SELENOV: variants seen among roughly 807,000 people sequenced by gnomAD.
SELENOV encodes the protein selenoprotein V.
In SELENOV, 25 loss-of-function variants were observed where a neutral mutation model predicts 21.6. The observed-to-expected ratio is 1.16, with a 90% CI of 0.84 to 1.62. The LOEUF (loss-of-function observed/expected upper bound fraction) is 1.62, where lower values mean the gene tolerates loss of function less well. Among genes scored for constraint, SELENOV ranks in the 40% most tolerant of loss-of-function variants. SELENOV has a pLI of 0.00. For missense variants in SELENOV, 472 were observed against 459.0 expected, an observed-to-expected ratio of 1.03 and a Z score of -0.26; for synonymous variants, 227 against 216.9, an observed-to-expected ratio of 1.05 and a Z score of -0.41.
At chr19:39,519,150 C>CG in exon 5 of SELENOV, 1 of 1,613,316 alleles carries the variant, frequency 6.2e-7, no homozygotes, top group Non-Finnish European at 8.5e-7. Context: ...AAAAGGTAGC[C>CG]GGCAAGGGGT....
rs1447705187 is a variant in SELENOV at position 39,515,542 on chromosome 19, G to A, written c.330G>A (p.Pro110=). ...CCGTCCGGAACCCAACTCCGGTCCCGACTCCGGCTCGGACCCTGACTCCTC... is the reference window on the plus strand; with the variant it reads ...CCGTCCGGAACCCAACTCCGGTCCCAACTCCGGCTCGGACCCTGACTCCTC... The change falls in exon 1 of 6, where the codon CCG becomes CCA. Residue 110 remains proline, a synonymous_variant. Transcript: ENST00000335426. This position sits in a 1 kb window ranked among gnomAD's most constrained non-coding sequence, Gnocchi z 5.1. 6.5e-7 allele frequency: 1 copy of A among 1,550,302 alleles called. No homozygotes were observed. Among genetic ancestry groups the A allele is most frequent in the South Asian group, 1.2e-5 (1 of 84,036 alleles).
chr19:39,518,627 C>A, exon 2 of SELENOV: 1 of 1,607,988 alleles, frequency 6.2e-7, no homozygotes, highest in South Asian at 1.1e-5. Flanking sequence ...AAGCTATAGC[C>A]TTCGGGTGAG....
intron 5 of SELENOV, 67 bp downstream of exon 5, chr19:39,519,237 T>C: frequency 9.5e-7 from 1 of 1,047,684 alleles, no homozygotes; most frequent in Non-Finnish European, 1.5e-6. Flanking sequence ...GGGGCAGGGC[T>C]CTGTCTCAGT....
At chr19:39,519,196 G>A (rs1180763786) in intron 5 of SELENOV, 26 bp downstream of exon 5, 8 of 1,529,776 alleles carry the variant, frequency 5.2e-6, no homozygotes, top group South Asian at 2.3e-5. Context: ...CCAAGGCTGC[G>A]GTGGGAGGGG....
chr19:39,516,186 A>C, intron 1 of SELENOV, 165 bp downstream of exon 1: 3 of 712,800 alleles, frequency 4.2e-6, no homozygotes, highest in Non-Finnish European at 5.0e-6. Context: ...CTTGTCTCTC[A>C]TTCTCTTTGG....
rs2079692626 is a variant in SELENOV, at chr19:39,515,695, G to C, written c.483G>C (p.Leu161=). ...CGCCCCCGGAACCTGCTCCGGAGCT[G>C]CCTTTGTTGCCCGAGGAGGACCCTG... The change falls in exon 1 of 6, where the codon CTG becomes CTC. Residue 161 remains leucine (L), a synonymous_variant. Coordinates refer to ENST00000335426, the Ensembl canonical transcript of SELENOV. The surrounding 1 kb of genome is among the most constrained non-coding windows in gnomAD (Gnocchi z 5.1). 1 of 1,549,002 alleles carries C rather than the reference G, an allele frequency of 6.5e-7. No homozygotes were observed. Among genetic ancestry groups the C allele is most frequent in the Admixed American group, 2.0e-5 (1 of 50,972 alleles).
rs374863818 is a variant in SELENOV, at chr19:39,517,991, A to AAAAAAAAAAAAAAAAAAAG, written c.810-617_810-616insAAAAAAAAAAAAAAAAAAG. 5.3e-4 allele frequency among the ~76,000 whole-genome samples: 49 copies of AAAAAAAAAAAAAAAAAAAG among 92,082 alleles called. 8 individuals carry two copies. Among genetic ancestry groups the AAAAAAAAAAAAAAAAAAAG allele is most frequent in the East Asian group, 7.7e-4 (2 of 2,586 alleles). The allele number at this position is 92,082 out of a possible 152,430, so 60.4% of individuals were successfully genotyped here. ...AAAAAAAAAAAAAAAAAAAAAAAAA[A>AAAAAAAAAAAAAAAAAAAG]GCCCAGCGCGGTGGCTCACGCCTGT... On this transcript the variant is annotated intron_variant, in intron 1 of 5. Transcript: ENST00000335426.
chr19:39,518,553 G>A (rs754531894), intron 1 of SELENOV, 55 bp from the exon 2 acceptor site: 3 of 1,533,066 alleles, frequency 2.0e-6, no homozygotes, highest in Admixed American at 1.9e-5. Flanking sequence ...AGATACTGAT[G>A]CGGTGTCTTC....
rs2079694425 is a variant in SELENOV at position 39,515,897 on chromosome 19, GT to G, written c.686del (p.Val229AlafsTer36). ...GGCGGATCCCCCCATTCCCAGTCCT[GT>G]CCCCTCGCCCATCCTGGGGACCATC... On this transcript the variant is annotated frameshift_variant, in exon 1 of 6. Coordinates refer to ENST00000335426, the Ensembl canonical transcript of SELENOV. LOFTEE classifies it high-confidence loss of function. This position sits in a 1 kb window ranked among gnomAD's most constrained non-coding sequence, Gnocchi z 5.1. The G allele has an allele frequency of 1.3e-6, 2 of 1,581,474 alleles. No homozygotes were observed. The highest frequency in any genetic ancestry group is 2.7e-5 in the African/African-American group (2 of 74,000).
chr19:39,520,606 TA>T (rs2079723403), exon 6 of SELENOV: 1 of 152,024 alleles, frequency 6.6e-6, no homozygotes, highest in Non-Finnish European at 1.5e-5. Context: ...TCTAAACCTG[TA>T]AGATCTATGT....
chr19:39,516,405 C>A lies in SELENOV; in HGVS notation c.809+384C>A, dbSNP rs535342907. 3.3e-5 allele frequency among the ~76,000 whole-genome samples: 5 copies of A among 152,212 alleles called. No individual in the cohort carries two copies. The South Asian group carries it at 1.0e-3, about 32-fold the overall frequency. On this transcript the variant is annotated intron_variant, in intron 1 of 5. Transcript: ENST00000335426. ...TTCCCTTCCCAGCCTCTCTCCTGCC[C>A]TGGAAGCCTCTCTGGCCCCTTGTCT...
At position 39,515,633 on chromosome 19, in the gene SELENOV, T is replaced by G; in HGVS notation, c.421T>G (p.Leu141Val). The G allele has an allele frequency of 6.5e-7, 1 of 1,548,334 alleles. No individual in the cohort carries two copies. The highest frequency in any genetic ancestry group is 1.2e-5 in the South Asian group (1 of 84,052). Reference sequence around the variant, plus strand: ...AGGGATTCGGGCCGCGCTCCCCGTCTTGGACTCCTACCTGGCCCCGGCCCT... The same window carrying G: ...AGGGATTCGGGCCGCGCTCCCCGTCGTGGACTCCTACCTGGCCCCGGCCCT... Residue 141 changes from leucine (L) to valine (V), a missense_variant, in exon 1 of 6, where the codon TTG (leucine) becomes GTG (valine). Coordinates refer to ENST00000335426, the Ensembl canonical transcript of SELENOV. The surrounding 1 kb of genome is among the most constrained non-coding windows in gnomAD (Gnocchi z 5.1).
chr19:39,515,544 C>T lies in SELENOV; in HGVS notation c.332C>T (p.Thr111Ile). Residue 111 changes from threonine to isoleucine, a missense_variant, in exon 1 of 6, where the codon ACT becomes ATT. Thr to Ile is a moderately conservative substitution (Grantham distance 89, BLOSUM62 -1). Coordinates refer to ENST00000335426, the Ensembl canonical transcript of SELENOV. This position sits in a 1 kb window ranked among gnomAD's most constrained non-coding sequence, Gnocchi z 5.1. Reference sequence around the variant, plus strand: ...GTCCGGAACCCAACTCCGGTCCCGACTCCGGCTCGGACCCTGACTCCTCCA... The same window carrying T: ...GTCCGGAACCCAACTCCGGTCCCGATTCCGGCTCGGACCCTGACTCCTCCA... 1 of 1,550,440 alleles carries T rather than the reference C, an allele frequency of 6.4e-7. No individual in the cohort carries two copies.
At chr19:39,516,574 C>T (rs2079698049) in intron 1 of SELENOV, among the ~76,000 whole-genome samples, 1 of 152,152 alleles carries the variant, frequency 6.6e-6, no homozygotes, top group African/African-American at 2.4e-5. Flanking sequence ...ACTGCCCAGG[C>T]TGGAGTGCAG....
chr19:39,515,527 C>T lies in SELENOV; in HGVS notation c.315C>T (p.Asn105=), dbSNP rs1228062803. Residue 105 remains asparagine, a synonymous_variant, in exon 1 of 6, where the codon AAC becomes AAT. Coordinates refer to ENST00000335426, the Ensembl canonical transcript of SELENOV. The surrounding 1 kb of genome is among the most constrained non-coding windows in gnomAD (Gnocchi z 5.1). ...TGCCGACTCCCGTTCCCGTCCGGAA[C>T]CCAACTCCGGTCCCGACTCCGGCTC... 6.4e-7 allele frequency: 1 copy of T among 1,550,824 alleles called. No individual in the cohort carries two copies. Among genetic ancestry groups the T allele is most frequent in the Admixed American group, 2.0e-5 (1 of 50,980 alleles).
intron 1 of SELENOV, 124 bp downstream of exon 1, chr19:39,516,145 A>C: frequency 2.4e-6 from 2 of 841,990 alleles, no homozygotes; most frequent in South Asian, 1.4e-5. Flanking sequence ...GAAGAGCCCC[A>C]GAGTTCCAGT....
At chr19:39,517,208 C>T (rs556938095) in intron 1 of SELENOV, among the ~76,000 whole-genome samples, 7 of 152,196 alleles carry the variant, frequency 4.6e-5, no homozygotes, top group South Asian at 2.1e-4. Context: ...CTCCCTATCT[C>T]GGTTCCCTCA....
In SELENOV at chr19:39,518,269, TCAAAAAAA is replaced by T. The variant is rs67258272; in HGVS notation, c.810-314_810-307del. Among the ~76,000 whole-genome samples the T allele has an allele frequency of 7.3e-4, 99 of 136,024 alleles. 1 individual carries two copies. Among genetic ancestry groups the T allele is most frequent in the Non-Finnish European group, 1.0e-3 (65 of 64,698 alleles). The allele number at this position is 136,024 out of a possible 152,430, so 89.2% of individuals were successfully genotyped here. On this transcript the variant is annotated intron_variant, in intron 1 of 5. Transcript: ENST00000335426. ...CTGGGCAACAGAGCGAGACTCCGTC[TCAAAAAAA>T]CAAAAAAACAAAAAAACAAAAAAAA...
In SELENOV at chr19:39,515,644, C is replaced by T. The variant is rs970839784; in HGVS notation, c.432C>T (p.Tyr144=). 1 of 1,548,260 alleles carries T rather than the reference C, an allele frequency of 6.5e-7. No homozygotes were observed. The highest frequency in any genetic ancestry group is 1.4e-5 in the African/African-American group (1 of 73,048). ...CCGCGCTCCCCGTCTTGGACTCCTACCTGGCCCCGGCCCTACCTTTGGATC... is the reference window on the plus strand; with the variant it reads ...CCGCGCTCCCCGTCTTGGACTCCTATCTGGCCCCGGCCCTACCTTTGGATC... The change falls in exon 1 of 6, where the codon TAC becomes TAT. Residue 144 remains tyrosine (Y), a synonymous_variant. Coordinates refer to ENST00000335426, the Ensembl canonical transcript of SELENOV. This position sits in a 1 kb window ranked among gnomAD's most constrained non-coding sequence, Gnocchi z 5.1.
Sources: gnomAD v4.1 joint callset for allele counts (sites outside exome capture counted in the v4.1 genomes callset) on GRCh38, gnomAD v4.1.1 for gene constraint, Gnocchi (gnomAD v3.1) non-coding constraint, MANE v1.5 for transcripts, NCBI Gene and HGNC (gene_info 2026-07-23, HGNC 2026-07-21) for gene names.